RELN: variants seen among roughly 807,000 people sequenced by gnomAD.
The protein encoded by RELN is reelin.
A neutral mutation model predicts 427.6 loss-of-function variants in RELN; 108 were observed. That is an observed-to-expected ratio of 0.25 (90% CI 0.22 to 0.30). RELN has a LOEUF of 0.30. Ranked by LOEUF, RELN falls within the 10% of genes least tolerant of loss-of-function variation. The pLI, the probability that RELN is intolerant of heterozygous loss-of-function variation, is 1.00. For synonymous variants in RELN, 1,524 were observed against 1,513.4 expected (o/e 1.01, Z -0.16); for missense variants, 3,715 against 4,302.8 (o/e 0.86, Z 3.82).
intron 3 of RELN, among the ~76,000 whole-genome samples, chr7:103,784,527 GT>G (rs1791969282): frequency 6.6e-6 from 1 of 152,068 alleles, no homozygotes; most frequent in African/African-American, 2.4e-5. Context: ...CTCTATTTGG[GT>G]TTTATCAGAA....
intron 2 of RELN, among the ~76,000 whole-genome samples, chr7:103,845,104 A>G (rs1793641835): frequency 6.6e-6 from 1 of 152,152 alleles, no homozygotes; most frequent in African/African-American, 2.4e-5. Flanking sequence ...GATTGCTGCC[A>G]TATAGAAACA....
chr7:103,701,626 G>A (rs1834093921), intron 8 of RELN, among the ~76,000 whole-genome samples: 1 of 151,950 alleles, frequency 6.6e-6, no homozygotes, highest in Non-Finnish European at 1.5e-5. Flanking sequence ...TTTCAATAGT[G>A]GAAATACTAG....
At chr7:103,522,298 T>C (rs1829727079) in intron 47 of RELN, 99 bp from the exon 48 acceptor site, 3 of 1,191,188 alleles carry the variant, frequency 2.5e-6, no homozygotes, top group Admixed American at 1.9e-5. Context: ...TAGTCCAAGA[T>C]GATGAAAAGT....
intron 7 of RELN, among the ~76,000 whole-genome samples, chr7:103,724,205 CAG>C (rs1481307769): frequency 6.6e-6 from 1 of 151,596 alleles, no homozygotes; most frequent in East Asian, 1.9e-4. Flanking sequence ...TTTTTTGAGA[CAG>C]ACTCTCTCTC....
chr7:103,867,777 T>C (rs1794234282), intron 2 of RELN, among the ~76,000 whole-genome samples: 1 of 152,092 alleles, frequency 6.6e-6, no homozygotes, highest in African/African-American at 2.4e-5. Context: ...CAAGTGGATA[T>C]ACTCTTTATT....
At chr7:103,818,309 G>C (rs1792930103) in intron 3 of RELN, among the ~76,000 whole-genome samples, 1 of 152,088 alleles carries the variant, frequency 6.6e-6, no homozygotes, top group African/African-American at 2.4e-5. Context: ...ACATTTAAAG[G>C]CATTTATTGA....
intron 11 of RELN, among the ~76,000 whole-genome samples, chr7:103,663,595 C>A (rs963874445): frequency 6.6e-6 from 1 of 152,176 alleles, no homozygotes; most frequent in Admixed American, 6.6e-5. Flanking sequence ...GGTCTGACCA[C>A]CACTTCCACT....
rs1399693481 is a variant in RELN, at chr7:103,761,601, C to T, written c.545-8387G>A. 7.2e-5 allele frequency among the ~76,000 whole-genome samples: 11 copies of T among 151,752 alleles called. No homozygotes were observed. In the East Asian group the frequency reaches 2.1e-3, roughly 29 times the overall value. ...CCAAGAAGCTGGGACTACAGGCATACAGCACCAAGACCAGTAAATTTTTTT... is the reference window on the plus strand; with the variant it reads ...CCAAGAAGCTGGGACTACAGGCATATAGCACCAAGACCAGTAAATTTTTTT... On this transcript the variant is annotated intron_variant, in intron 4 of 64. Transcript: ENST00000428762.
chr7:103,759,843 C>T (rs553205069), intron 4 of RELN, among the ~76,000 whole-genome samples: 75 of 152,102 alleles, frequency 4.9e-4, no homozygotes, highest in Admixed American at 1.2e-3. Context: ...AGTGGTTTAT[C>T]CTTACGACAG....
intron 64 of RELN, among the ~76,000 whole-genome samples, chr7:103,477,193 G>A (rs552306462): frequency 1.3e-5 from 2 of 152,294 alleles, no homozygotes; most frequent in African/African-American, 4.8e-5. Context: ...TTCTGCATAG[G>A]AAATATGGCC....
chr7:103,642,405 T>C (rs10277850), intron 16 of RELN, among the ~76,000 whole-genome samples: 4,639 of 147,368 alleles, frequency 0.031, 268 homozygotes, highest in African/African-American at 0.11. Context: ...AAGGAGTATG[T>C]GTCCTTTTCT....
At chr7:103,684,119 G>C (rs951258956) in intron 10 of RELN, among the ~76,000 whole-genome samples, 1 of 152,110 alleles carries the variant, frequency 6.6e-6, no homozygotes, top group South Asian at 2.1e-4. Flanking sequence ...CTATTTGAGA[G>C]CAACGGGTGT....
chr7:103,604,156 G>T (rs1392337314), intron 23 of RELN, among the ~76,000 whole-genome samples, 190 bp downstream of exon 23: 2 of 152,050 alleles, frequency 1.3e-5, no homozygotes, highest in African/African-American at 2.4e-5. Flanking sequence ...TAGAATATAT[G>T]GTTTCATACT....
chr7:103,939,481 T>C (rs914868806), intron 1 of RELN, among the ~76,000 whole-genome samples: 2 of 152,004 alleles, frequency 1.3e-5, no homozygotes, highest in African/African-American at 2.4e-5. Context: ...CACACACACA[T>C]GCATACCACG....
chr7:103,639,402 CTT>C (rs200310506), intron 17 of RELN, among the ~76,000 whole-genome samples: 29 of 141,170 alleles, frequency 2.1e-4, no homozygotes, highest in Non-Finnish European at 2.2e-4. Flanking sequence ...CTTTTTCTCT[CTT>C]TTTTTTTTTT....
chr7:103,946,825 T>C (rs1377350499), intron 1 of RELN, among the ~76,000 whole-genome samples: 1 of 152,206 alleles, frequency 6.6e-6, no homozygotes, highest in African/African-American at 2.4e-5. Flanking sequence ...AAAACACTCA[T>C]GATAAGCAGA....
At chr7:103,851,773 C>T (rs1178717071) in intron 2 of RELN, among the ~76,000 whole-genome samples, 2 of 152,184 alleles carry the variant, frequency 1.3e-5, no homozygotes, top group Non-Finnish European at 2.9e-5. Flanking sequence ...TAATTGCTCA[C>T]CAAATAGCTG....
At position 103,846,224 on chromosome 7, in the gene RELN, A is replaced by G. The variant is rs182958700; in HGVS notation, c.338-12552T>C. Among the ~76,000 whole-genome samples, 5 of 152,340 alleles carry G rather than the reference A, an allele frequency of 3.3e-5. No individual in the cohort carries two copies. In the East Asian group the frequency reaches 9.6e-4, roughly 29 times the overall value. On this transcript the variant is annotated intron_variant, in intron 2 of 64. Transcript: ENST00000428762. ...ACAAAAACAGCATGGTACTGGTATG[A>G]AAACAGATATACAGACCAATGGAAC...
At chr7:103,981,654 C>T (rs1306605250) in intron 1 of RELN, among the ~76,000 whole-genome samples, 2 of 152,130 alleles carry the variant, frequency 1.3e-5, no homozygotes, top group Non-Finnish European at 2.9e-5. Context: ...ACAAGAAGTC[C>T]CGTCATTATT....
Sources: gnomAD v4.1 joint callset for allele counts (sites outside exome capture counted in the v4.1 genomes callset) on GRCh38, gnomAD v4.1.1 for gene constraint, MANE v1.5 for transcripts, NCBI Gene and HGNC (gene_info 2026-07-23, HGNC 2026-07-21) for gene names.